Variants in ANKIB1 observed in about 807,000 individuals in gnomAD.
ANKIB1 encodes the protein ankyrin repeat and IBR domain containing 1.
ANKIB1 carries 43 observed loss-of-function variants against 122.1 expected under a neutral mutation model. That is an observed-to-expected ratio of 0.35 (90% CI 0.28 to 0.45). The LOEUF (loss-of-function observed/expected upper bound fraction) is 0.45, where lower values mean the gene tolerates loss of function less well. Among genes scored for constraint, ANKIB1 ranks in the 20% least tolerant of loss-of-function variants. The pLI, the probability that ANKIB1 is intolerant of heterozygous loss-of-function variation, is 1.00. For synonymous variants in ANKIB1, 390 were observed against 442.0 expected (o/e 0.88, Z 1.48); for missense variants, 992 against 1,329.5 (o/e 0.75, Z 3.95).
rs1181042299 is a variant in ANKIB1 at position 92,391,200 on chromosome 7, A to G, written c.2087A>G (p.Gln696Arg). 1 of 1,612,786 alleles carries G rather than the reference A, an allele frequency of 6.2e-7. No homozygotes were observed. The change falls in exon 16 of 20, where the codon CAG (glutamine) becomes CGG (arginine). Residue 696 changes from glutamine to arginine, a missense_variant. Physicochemically the swap from Gln to Arg is conservative, Grantham distance 43 (BLOSUM62 1). Coordinates refer to ENST00000265742, the MANE Select transcript of ANKIB1 (RefSeq NM_019004.2). ...DLEMVTEDLA[Q>R]KVNRPYLRTP... ...GAAATGGTCACTGAAGACCTTGCCC[A>G]GAAAGTCAATAGGCCTTACCTTCGC...
intron 1 of ANKIB1, among the ~76,000 whole-genome samples, chr7:92,279,135 T>C (rs1156666241): frequency 1.3e-5 from 2 of 152,184 alleles, no homozygotes; most frequent in African/African-American, 4.8e-5. Context: ...TTTGCACTCC[T>C]ATGAGAATCT....
intron 7 of ANKIB1, among the ~76,000 whole-genome samples, chr7:92,345,629 A>T (rs1396119064): frequency 6.6e-6 from 1 of 152,290 alleles, no homozygotes; most frequent in East Asian, 1.9e-4. Flanking sequence ...CCATCCATTA[A>T]CTTTGCTCTC....
At chr7:92,329,579 T>C (rs1050175735) in intron 5 of ANKIB1, among the ~76,000 whole-genome samples, 9 of 152,342 alleles carry the variant, frequency 5.9e-5, no homozygotes, top group Admixed American at 4.6e-4. Flanking sequence ...TCAAGTATTC[T>C]ACTGTATTTC....
At chr7:92,340,317 A>C (rs1433944531) in intron 5 of ANKIB1, among the ~76,000 whole-genome samples, 1 of 152,226 alleles carries the variant, frequency 6.6e-6, no homozygotes. Context: ...CTTACCAGAA[A>C]AGAGAACACG....
At chr7:92,261,032 C>T (rs1801551348) in intron 1 of ANKIB1, among the ~76,000 whole-genome samples, 1 of 150,938 alleles carries the variant, frequency 6.6e-6, no homozygotes, top group African/African-American at 2.4e-5. Context: ...AAAGTCCAAA[C>T]CTCTCTTGTT....
rs1199391797 is a variant in ANKIB1 at position 92,400,360 on chromosome 7, G to C, written c.*1411G>C. ...ATGGTACAGTGTGTAATTAAAACTAGAGTAAACTGTTGGAATGGCTGTTTT... is the reference window on the plus strand; with the variant it reads ...ATGGTACAGTGTGTAATTAAAACTACAGTAAACTGTTGGAATGGCTGTTTT... On this transcript the variant is annotated 3_prime_UTR_variant, in exon 20 of 20. Transcript: ENST00000265742. The C allele has an allele frequency of 6.6e-6, 1 of 152,150 alleles. No individual in the cohort carries two copies. Among genetic ancestry groups the C allele is most frequent in the Non-Finnish European group, 1.5e-5 (1 of 68,012 alleles). The allele number at this position is 152,150 out of a possible 1,614,324, so 9.4% of individuals were successfully genotyped here. A position where few individuals can be genotyped will look rare whatever the true frequency, so the allele number is the denominator to read the frequency against.
intron 3 of ANKIB1, among the ~76,000 whole-genome samples, chr7:92,310,438 C>G (rs780505206): frequency 2.0e-4 from 30 of 152,130 alleles, no homozygotes; most frequent in Non-Finnish European, 2.6e-4. Flanking sequence ...TATATATACT[C>G]TTGTCCAACC....
intron 3 of ANKIB1, among the ~76,000 whole-genome samples, chr7:92,315,745 A>G (rs1186236231): frequency 6.6e-6 from 1 of 152,208 alleles, no homozygotes; most frequent in Non-Finnish European, 1.5e-5. Context: ...ACTTTCTGGA[A>G]TATTGTTTCA....
intron 1 of ANKIB1, among the ~76,000 whole-genome samples, chr7:92,269,319 C>T (rs537391187): frequency 2.6e-5 from 4 of 152,176 alleles, no homozygotes; most frequent in South Asian, 2.1e-4. Flanking sequence ...GGTAAGCCTA[C>T]GATTCAGAAA....
At chr7:92,389,664 A>G (rs1804741968) in intron 14 of ANKIB1, among the ~76,000 whole-genome samples, 1 of 152,184 alleles carries the variant, frequency 6.6e-6, no homozygotes, top group South Asian at 2.1e-4. Context: ...ACCTAAAGCT[A>G]GATTTGCTTA....
intron 1 of ANKIB1, among the ~76,000 whole-genome samples, chr7:92,269,828 G>A (rs962573926): frequency 2.0e-5 from 3 of 151,244 alleles, no homozygotes; most frequent in African/African-American, 7.3e-5. Flanking sequence ...TTAAGTTCTA[G>A]GGTACATGTG....
chr7:92,338,420 A>G (rs1432137083), intron 5 of ANKIB1, among the ~76,000 whole-genome samples: 1 of 151,566 alleles, frequency 6.6e-6, no homozygotes, highest in African/African-American at 2.4e-5. Context: ...CTTTGCCTCA[A>G]AAAAAAATAA....
At chr7:92,380,910 A>G (rs1036945199) in intron 11 of ANKIB1, among the ~76,000 whole-genome samples, 2 of 152,230 alleles carry the variant, frequency 1.3e-5, no homozygotes, top group Non-Finnish European at 2.9e-5. Context: ...AATGACTTTG[A>G]CAGTTGACAG....
At chr7:92,250,304 A>G (rs548314622) in intron 1 of ANKIB1, among the ~76,000 whole-genome samples, 7 of 152,322 alleles carry the variant, frequency 4.6e-5, no homozygotes, top group African/African-American at 1.7e-4. Flanking sequence ...GAGGCAGGAG[A>G]ATCGCCTGAA....
chr7:92,387,193 A>C (rs1200590200), intron 12 of ANKIB1, among the ~76,000 whole-genome samples: 1 of 152,096 alleles, frequency 6.6e-6, no homozygotes, highest in African/African-American at 2.4e-5. Context: ...CCCTATCAGA[A>C]TAGGGCCCCA....
intron 11 of ANKIB1, among the ~76,000 whole-genome samples, chr7:92,380,007 C>T (rs903585070): frequency 2.0e-5 from 3 of 152,186 alleles, no homozygotes; most frequent in African/African-American, 4.8e-5. Context: ...GAAGCCATGA[C>T]AGGCTGTACC....
At chr7:92,358,388 T>C (rs17757926) in intron 9 of ANKIB1, among the ~76,000 whole-genome samples, 48,646 of 152,040 alleles carry the variant, frequency 0.32, 8,029 homozygotes, top group Non-Finnish European at 0.35. Flanking sequence ...CCTGAAGTGG[T>C]CCTGCTGATT....
Position 92,344,193 on chromosome 7 carries a change from GTTT to G in ANKIB1, c.997-759_997-757del, listed in dbSNP as rs67933063. Among the ~76,000 whole-genome samples, 723 of 97,478 alleles carry G rather than the reference GTTT, an allele frequency of 7.4e-3. 1 individual carries two copies. Among genetic ancestry groups the G allele is most frequent in the Non-Finnish European group, 0.011 (546 of 50,662 alleles). 63.9% of individuals were successfully genotyped at this position (97,478 alleles called of 152,430 possible). ...TTTTTGTTGTTGTTTTGTGTTTTTG[GTTT>G]TTTTTTTTTTTTTTTTTTTTTTTTT... On this transcript the variant is annotated intron_variant, in intron 6 of 19. Transcript: ENST00000265742.
At chr7:92,348,044 T>A (rs1165394111) in intron 7 of ANKIB1, 1 of 427,336 alleles carries the variant, frequency 2.3e-6, no homozygotes, top group East Asian at 7.2e-5. Context: ...TTTCTCTCTT[T>A]TAGTGACACT....
Sources: gnomAD v4.1 joint callset for allele counts (sites outside exome capture counted in the v4.1 genomes callset) on GRCh38, gnomAD v4.1.1 for gene constraint, MANE v1.5 for transcripts, NCBI Gene and HGNC (gene_info 2026-07-23, HGNC 2026-07-21) for gene names.